The following KLHL5 variants were observed in gnomAD, a reference collection of about 807,000 sequenced individuals.
KLHL5 encodes kelch like family member 5.
A neutral mutation model predicts 77.7 loss-of-function variants in KLHL5; 48 were observed. That is an observed-to-expected ratio of 0.62 (90% CI 0.49 to 0.79). KLHL5 has a LOEUF of 0.79. Ranked by LOEUF, KLHL5 falls within the 30% of genes least tolerant of loss-of-function variation. The pLI, the probability that KLHL5 is intolerant of heterozygous loss-of-function variation, is 0.00. For missense variants in KLHL5, 723 were observed against 859.7 expected, an observed-to-expected ratio of 0.84 and a Z score of 1.99; for synonymous variants, 260 against 297.0, an observed-to-expected ratio of 0.88 and a Z score of 1.28.
At chr4:39,046,158 GTTGGGTAA>G (rs1716172657) in intron 1 of KLHL5, among the ~76,000 whole-genome samples, 1 of 151,744 alleles carries the variant, frequency 6.6e-6, no homozygotes, top group African/African-American at 2.4e-5. Flanking sequence ...CACTGACGTT[GTTGGGTAA>G]TTGGGCAGGG....
the KLHL5 span, among the ~76,000 whole-genome samples, chr4:39,138,484 T>A: frequency 6.6e-6 from 1 of 152,250 alleles, no homozygotes; most frequent in South Asian, 2.1e-4. Context: ...CCATTATCCT[T>A]AGCAAACTAA....
At chr4:39,140,559 T>C in the KLHL5 span, among the ~76,000 whole-genome samples, 1 of 152,092 alleles carries the variant, frequency 6.6e-6, no homozygotes, top group South Asian at 2.1e-4. Flanking sequence ...GGTTAAATAG[T>C]AAAAAAACAA....
intron 10 of KLHL5, chr4:39,115,586 TCTAG>T: frequency 7.0e-7 from 1 of 1,435,382 alleles, no homozygotes; most frequent in Non-Finnish European, 9.1e-7. Context: ...GATGAAGTGT[TCTAG>T]CCTGATTAAA....
Position 39,101,126 on chromosome 4 carries a change from T to TATACATATATATATATATATATATA in KLHL5, c.1301-2161_1301-2160insATACATATATATATATATATATATA, listed in dbSNP as rs1553892884. On this transcript the variant is annotated intron_variant, in intron 6 of 10. Transcript: ENST00000504108. Reference sequence around the variant, plus strand: ...TTTGTTAATTTTGGATATTTGGATTTTATATATATATATATATATATCTAC... The same window carrying TATACATATATATATATATATATATA: ...TTTGTTAATTTTGGATATTTGGATTTATACATATATATATATATATATATATATATATATATATATATATATCTAC... 8.0e-3 allele frequency among the ~76,000 whole-genome samples: 1,083 copies of TATACATATATATATATATATATATA among 134,708 alleles called. 39 individuals carry two copies. Among genetic ancestry groups the TATACATATATATATATATATATATA allele is most frequent in the African/African-American group, 0.016 (563 of 35,844 alleles). The allele number at this position is 134,708 out of a possible 152,430, so 88.4% of individuals were successfully genotyped here.
rs1472316113 is a variant in KLHL5 at position 39,103,481 on chromosome 4, C to T, written c.1495C>T (p.Pro499Ser). Reference sequence around the variant, plus strand: ...CAAAACAAAAACTTGGAGTGTGATGCCACCTATGTCCACACATAGACATGG... The same window carrying T: ...CAAAACAAAAACTTGGAGTGTGATGTCACCTATGTCCACACATAGACATGG... ...NPKTKTWSVM[P>S]PMSTHRHGLG... The change falls in exon 7 of 11, where the codon CCA (proline) becomes TCA (serine). Residue 499 changes from proline (P) to serine (S), a missense_variant. Coordinates refer to ENST00000504108, the MANE Select transcript of KLHL5 (RefSeq NM_015990.5). 1 of 1,613,870 alleles carries T rather than the reference C, an allele frequency of 6.2e-7. No individual in the cohort carries two copies. Among genetic ancestry groups the T allele is most frequent in the Non-Finnish European group, 8.5e-7 (1 of 1,179,888 alleles).
At chr4:39,074,810 CCAT>C (rs921837245) in intron 1 of KLHL5, among the ~76,000 whole-genome samples, 4 of 152,034 alleles carry the variant, frequency 2.6e-5, no homozygotes, top group Admixed American at 2.6e-4. Context: ...TATGTCACAA[CCAT>C]CATATCCTTA....
At chr4:39,097,507 C>T (rs1423997436) in intron 6 of KLHL5, among the ~76,000 whole-genome samples, 1 of 152,204 alleles carries the variant, frequency 6.6e-6, no homozygotes, top group Non-Finnish European at 1.5e-5. Flanking sequence ...TAAGCAGCAG[C>T]ATTGTGCAAG....
At chr4:39,114,202 C>T (rs1229557303) in intron 9 of KLHL5, among the ~76,000 whole-genome samples, 1 of 152,116 alleles carries the variant, frequency 6.6e-6, no homozygotes, top group East Asian at 1.9e-4. Context: ...GTTCTCCAGG[C>T]TGGGAAGTTC....
At chr4:39,084,482 TA>T (rs1318965594) in intron 4 of KLHL5, among the ~76,000 whole-genome samples, 1 of 152,224 alleles carries the variant, frequency 6.6e-6, no homozygotes, top group African/African-American at 2.4e-5. Flanking sequence ...CTAGAAGACT[TA>T]TAAAAAACAT....
At chr4:39,069,568 A>ATATAT (rs1718279187) in intron 1 of KLHL5, among the ~76,000 whole-genome samples, 4 of 144,582 alleles carry the variant, frequency 2.8e-5, no homozygotes, top group African/African-American at 7.8e-5. Context: ...ATATATATAT[A>ATATAT]AACCATAGAG....
At chr4:39,057,068 A>C (rs1266654185) in intron 1 of KLHL5, among the ~76,000 whole-genome samples, 1 of 152,158 alleles carries the variant, frequency 6.6e-6, no homozygotes, top group Non-Finnish European at 1.5e-5. Context: ...TCACCTCAAA[A>C]ACCTCAACTT....
intron 2 of KLHL5, 66 bp downstream of exon 2, chr4:39,076,213 G>T: frequency 7.4e-7 from 1 of 1,351,022 alleles, no homozygotes. Context: ...TGTATATTGA[G>T]GTAACCTACT....
At chr4:39,057,616 G>T (rs149109366), upstream of KLHL5, among the ~76,000 whole-genome samples, 11 of 152,216 alleles carry the variant, frequency 7.2e-5, no homozygotes, top group African/African-American at 2.6e-4. Context: ...AAGTATCCCT[G>T]AATTATTAAA....
At chr4:39,134,563 G>A in the KLHL5 span, among the ~76,000 whole-genome samples, 1 of 152,172 alleles carries the variant, frequency 6.6e-6, no homozygotes, top group African/African-American at 2.4e-5. Context: ...TACACAGGAT[G>A]ATACATACTT....
At chr4:39,045,161 C>T (rs1716065774) in intron 1 of KLHL5, 1 of 984,054 alleles carries the variant, frequency 1.0e-6, no homozygotes, top group Admixed American at 6.2e-5. Context: ...GCTTCCCGCC[C>T]CCACGCGACT....
chr4:39,107,853 G>A (rs1722166141), intron 8 of KLHL5, 122 bp downstream of exon 8: 1 of 656,044 alleles, frequency 1.5e-6, no homozygotes, highest in East Asian at 2.9e-5. Flanking sequence ...TTAAAACAAT[G>A]TCTCTTTCTA....
At chr4:39,089,334 A>C (rs1182576523) in intron 5 of KLHL5, among the ~76,000 whole-genome samples, 1 of 152,192 alleles carries the variant, frequency 6.6e-6, no homozygotes, top group African/African-American at 2.4e-5. Context: ...GGAATATAGA[A>C]TGAAGAGCTA....
In KLHL5 at chr4:39,081,996, G is replaced by T. The variant is rs748627924; in HGVS notation, c.737G>T (p.Cys246Phe). 4 of 1,606,674 alleles carry T rather than the reference G, an allele frequency of 2.5e-6. No homozygotes were observed. The highest frequency in any genetic ancestry group is 3.4e-6 in the Non-Finnish European group (4 of 1,177,832). The change falls in exon 4 of 11, where the codon TGC becomes TTC. Residue 246 changes from cysteine (C) to phenylalanine (F), a missense_variant. This residue lies in a region of KLHL5 where 288 missense variants were observed against 400.3 expected (regional missense o/e 0.72). Transcript: ENST00000504108. This position sits in a 1 kb window ranked among gnomAD's most constrained non-coding sequence, Gnocchi z 4.3. ...RLELKEDNIE[C>F]LLSTACLLQL... ...GAATTAAAAGAAGATAATATTGAGT[G>T]CCTGTTATCTACAGCTTGCCTTCTT...
At chr4:39,116,900 G>A (rs1261033834) in intron 10 of KLHL5, among the ~76,000 whole-genome samples, 1 of 152,072 alleles carries the variant, frequency 6.6e-6, no homozygotes, top group Non-Finnish European at 1.5e-5. Context: ...GCAATGGCAC[G>A]ATCTCAGCTC....
Sources: allele counts gnomAD v4.1 joint callset (sites outside exome capture counted in the v4.1 genomes callset), GRCh38; gene constraint gnomAD v4.1.1; regional missense constraint gnomAD v4.1.1; non-coding constraint Gnocchi (gnomAD v3.1); transcripts MANE v1.5; gene names NCBI Gene and HGNC (gene_info 2026-07-23, HGNC 2026-07-21).